The following GBF1 variants were observed in gnomAD, a reference collection of about 807,000 sequenced individuals.
GBF1 encodes golgi brefeldin A resistant guanine nucleotide exchange factor 1.
Under a neutral mutation model 210.5 loss-of-function variants are expected in GBF1, and 114 were observed. That is an observed-to-expected ratio of 0.54 (90% confidence interval 0.47 to 0.63). The LOEUF (loss-of-function observed/expected upper bound fraction) is 0.63, where lower values mean the gene tolerates loss of function less well. GBF1 is among the 30% of genes least tolerant of loss of function. The pLI is 0.00. For synonymous variants in GBF1, 850 were observed against 889.2 expected (o/e 0.96, Z 0.78); for missense variants, 1,851 against 2,357.7 (o/e 0.79, Z 4.45).
Position 102,358,135 on chromosome 10 carries a change from G to A in GBF1, c.736G>A (p.Gly246Ser), listed in dbSNP as rs997611864. Residue 246 changes from glycine to serine, a missense_variant, in exon 9 of 40, where the codon GGT (glycine) becomes AGT (serine). Physicochemically the swap from Gly to Ser is moderately conservative, Grantham distance 56. This residue lies in a region of GBF1 where 804 missense variants were observed against 958.6 expected (regional missense o/e 0.84). Transcript: ENST00000369983. ...PPRHMTKVTPGSELPTPNGTT... is the reference protein window; with the variant it reads ...PPRHMTKVTPSSELPTPNGTT... ...ACGCCATATGACCAAAGTCACACCA[G>A]GTTCAGAGCTGCCCACTCCCAATGG... is the stretch of plus-strand genomic sequence containing the variant. The A allele has an allele frequency of 6.2e-7, 1 of 1,613,708 alleles. No individual in the cohort carries two copies. Among genetic ancestry groups the A allele is most frequent in the African/African-American group, 1.3e-5 (1 of 75,012 alleles).
intron 1 of GBF1, among the ~76,000 whole-genome samples, chr10:102,258,503 G>A (rs573792912): frequency 1.5e-4 from 23 of 148,878 alleles, no homozygotes; most frequent in African/African-American, 5.6e-4. Flanking sequence ...CAGGTGCAGT[G>A]GCTCACGCCT....
At chr10:102,348,150 T>C (rs2058701015) in intron 4 of GBF1, among the ~76,000 whole-genome samples, 1 of 152,140 alleles carries the variant, frequency 6.6e-6, no homozygotes, top group Non-Finnish European at 1.5e-5. Context: ...TTGGCCAGGC[T>C]GGTCTCGAAC....
chr10:102,267,502 TCAA>T (rs10682113), intron 3 of GBF1, among the ~76,000 whole-genome samples: 40 of 151,258 alleles, frequency 2.6e-4, no homozygotes, highest in Middle Eastern at 3.4e-3. Context: ...AGACTCCATC[TCAA>T]CAACAACAAC....
chr10:102,236,635 G>C, the GBF1 span, among the ~76,000 whole-genome samples: 1 of 152,190 alleles, frequency 6.6e-6, no homozygotes, highest in African/African-American at 2.4e-5. Flanking sequence ...AGGCCACAGT[G>C]GGGAGGCCAT....
chr10:102,339,695 A>G lies in GBF1; in HGVS notation c.164-4356A>G, dbSNP rs189342370. 3.9e-5 allele frequency among the ~76,000 whole-genome samples: 6 copies of G among 152,244 alleles called. No homozygotes were observed. In the East Asian group the frequency reaches 1.2e-3, roughly 29 times the overall value. On this transcript the variant is annotated intron_variant, in intron 3 of 39. Transcript: ENST00000369983. Reference sequence around the variant, plus strand: ...AAAAAAAGACTTAGTATATATTTATAATAATTAACACAGTGTCGTGTTGTC... The same window carrying G: ...AAAAAAAGACTTAGTATATATTTATGATAATTAACACAGTGTCGTGTTGTC...
At chr10:102,288,876 G>A (rs1375774877) in intron 3 of GBF1, among the ~76,000 whole-genome samples, 5 of 152,158 alleles carry the variant, frequency 3.3e-5, no homozygotes, top group Admixed American at 6.5e-5. Flanking sequence ...TGAGGCGGGC[G>A]GATTACTTGT....
At chr10:102,344,286 C>A in intron 4 of GBF1, 104 bp downstream of exon 4, 1 of 928,036 alleles carries the variant, frequency 1.1e-6, no homozygotes, top group Admixed American at 2.1e-5. Context: ...GAAATTTTTT[C>A]CAGTCACCTC....
intron 17 of GBF1, 150 bp from the exon 18 acceptor site, chr10:102,365,247 A>G (rs558429822): frequency 2.2e-5 from 14 of 623,216 alleles, no homozygotes; most frequent in African/African-American, 1.7e-4. Context: ...TAAGGCCATT[A>G]TGATCTAGCC....
chr10:102,289,409 T>C (rs2076254788), intron 3 of GBF1, among the ~76,000 whole-genome samples: 1 of 152,126 alleles, frequency 6.6e-6, no homozygotes, highest in Admixed American at 6.5e-5. Context: ...GTTGTTACAA[T>C]GGAGAATCAG....
intron 1 of GBF1, among the ~76,000 whole-genome samples, chr10:102,251,008 GAA>G (rs35041817): frequency 0.67 from 96,676 of 143,336 alleles, 31,889 homozygotes; most frequent in African/African-American, 0.77. Flanking sequence ...AAGTGATTAA[GAA>G]AAAAAAAAAA....
chr10:102,328,597 G>C lies in GBF1; in HGVS notation c.164-15454G>C, dbSNP rs867442775. ...TGGGAAAACATTAACTCTGTACTCTGATAGTACAGTAAGTGAGAGTGAATA... is the reference window on the plus strand; with the variant it reads ...TGGGAAAACATTAACTCTGTACTCTCATAGTACAGTAAGTGAGAGTGAATA... On this transcript the variant is annotated intron_variant, in intron 3 of 39. Transcript: ENST00000369983. Among the ~76,000 whole-genome samples, 5 of 152,278 alleles carry C rather than the reference G, an allele frequency of 3.3e-5. No individual in the cohort carries two copies. The South Asian group carries it at 1.0e-3, about 32-fold the overall frequency.
chr10:102,352,703 T>G (rs1306656612), intron 7 of GBF1, among the ~76,000 whole-genome samples, 185 bp downstream of exon 7: 1 of 152,140 alleles, frequency 6.6e-6, no homozygotes, highest in African/African-American at 2.4e-5. Flanking sequence ...GGGAGCTGAT[T>G]TGGCCTCACG....
In GBF1 at chr10:102,366,445, G is replaced by A. The variant is rs1246149215; in HGVS notation, c.2372G>A (p.Arg791His). ...EALRLYLEAF[R>H]LPGEAPVIQR... ...CTCCGCCTCTACCTGGAAGCCTTCC[G>A]TTTGCCTGGGGAAGCACCAGTCATC... is the stretch of plus-strand genomic sequence containing the variant. Residue 791 changes from arginine (R) to histidine (H), a missense_variant, in exon 19 of 40, where the codon CGT becomes CAT. Arg to His is a conservative substitution (Grantham distance 29). This residue lies in a region of GBF1 where 80 missense variants were observed against 151.4 expected (regional missense o/e 0.53). Coordinates refer to ENST00000369983, the MANE Select transcript of GBF1 (RefSeq NM_001377137.1). The surrounding 1 kb of genome is among the most constrained non-coding windows in gnomAD (Gnocchi z 4.0). 6.2e-7 allele frequency: 1 copy of A among 1,614,040 alleles called. No homozygotes were observed. Among genetic ancestry groups the A allele is most frequent in the Non-Finnish European group, 8.5e-7 (1 of 1,179,924 alleles).
At chr10:102,370,335 T>C (rs1384254797) in intron 27 of GBF1, 49 bp from the exon 28 acceptor site, 8 of 1,488,480 alleles carry the variant, frequency 5.4e-6, no homozygotes, top group Non-Finnish European at 7.5e-6. Context: ...GCAGGGCCAG[T>C]GGTTGGCTTC....
chr10:102,321,982 C>T (rs1354184020), intron 3 of GBF1, among the ~76,000 whole-genome samples: 3 of 152,182 alleles, frequency 2.0e-5, no homozygotes, highest in African/African-American at 7.2e-5. Context: ...GCTCAGCCTC[C>T]AGAGTAGTTG....
intron 3 of GBF1, among the ~76,000 whole-genome samples, chr10:102,261,726 AT>A (rs2073258826): frequency 6.8e-6 from 1 of 147,506 alleles, no homozygotes; most frequent in African/African-American, 2.5e-5. Flanking sequence ...GATTCAAGCG[AT>A]TTTCGTGCCT....
intron 3 of GBF1, among the ~76,000 whole-genome samples, chr10:102,280,779 C>T (rs1565053521): frequency 6.6e-6 from 1 of 152,122 alleles, no homozygotes; most frequent in Non-Finnish European, 1.5e-5. Flanking sequence ...TCTGAGTGCT[C>T]CAGTTGAGTG....
chr10:102,308,218 AAG>A (rs2078088533), intron 3 of GBF1, among the ~76,000 whole-genome samples: 1 of 151,516 alleles, frequency 6.6e-6, no homozygotes. Flanking sequence ...AAAAAAAAAA[AAG>A]AGGAAACTGC....
At chr10:102,380,006 G>A (rs562582889) in intron 36 of GBF1, 52 bp downstream of exon 36, 17 of 1,260,022 alleles carry the variant, frequency 1.3e-5, no homozygotes, top group African/African-American at 7.3e-5. Flanking sequence ...GCCTTTTCCC[G>A]AGGAGGGAAG....
Sources: allele counts gnomAD v4.1 joint callset (sites outside exome capture counted in the v4.1 genomes callset), GRCh38; gene constraint gnomAD v4.1.1; regional missense constraint gnomAD v4.1.1; non-coding constraint Gnocchi (gnomAD v3.1); transcripts MANE v1.5; gene names NCBI Gene and HGNC (gene_info 2026-07-23, HGNC 2026-07-21).